Variants in MRTFB observed in about 807,000 individuals in gnomAD.
MRTFB encodes myocardin related transcription factor B.
Under a neutral mutation model 104.2 loss-of-function variants are expected in MRTFB, and 29 were observed. The observed-to-expected ratio is 0.28, with a 90% CI of 0.21 to 0.38. The LOEUF (loss-of-function observed/expected upper bound fraction) is 0.38. MRTFB is among the 10% of genes least tolerant of loss of function. The pLI is 1.00. For missense variants in MRTFB, 1,270 were observed against 1,341.6 expected (o/e 0.95, Z 0.83); for synonymous variants, 535 against 519.5 (o/e 1.03, Z -0.41).
the MRTFB span, among the ~76,000 whole-genome samples, chr16:14,021,881 G>A: frequency 6.6e-6 from 1 of 151,832 alleles, no homozygotes; most frequent in African/African-American, 2.4e-5. Flanking sequence ...CTATAGACAT[G>A]TGTGTGCAAG....
At chr16:14,246,330 A>C in intron 11 of MRTFB, 143 bp from the exon 12 acceptor site, 1 of 753,786 alleles carries the variant, frequency 1.3e-6, no homozygotes, top group Non-Finnish European at 2.1e-6. Context: ...CTGTGTGCTT[A>C]AATATAAAAC....
Position 14,245,317 on chromosome 16 carries a change from C to T in MRTFB, c.1080-211C>T, listed in dbSNP as rs148955396. Among the ~76,000 whole-genome samples the T allele has an allele frequency of 4.4e-3, 673 of 152,212 alleles. 4 individuals are homozygous for T. The highest frequency in any genetic ancestry group is 0.012 in the African/African-American group (501 of 41,502). On this transcript the variant is annotated intron_variant, in intron 10 of 16. Transcript: ENST00000571589. The stretch of plus-strand genomic sequence containing the variant: ...TGCATTTCCATATAAAGCTTAGAAT[C>T]GCCTTCTAAATTTCCGTCACGCTAG...
chr16:14,041,163 A>C, the MRTFB span, among the ~76,000 whole-genome samples: 6 of 145,112 alleles, frequency 4.1e-5, no homozygotes, highest in African/African-American at 1.5e-4. Context: ...GGGCGGGGAG[A>C]GGAGGGGAGG....
chr16:14,024,797 A>G, the MRTFB span, among the ~76,000 whole-genome samples: 3 of 152,142 alleles, frequency 2.0e-5, no homozygotes, highest in East Asian at 5.8e-4. Context: ...GGAATAGCAA[A>G]CTTCCTATGA....
chr16:14,013,487 T>A, the MRTFB span: 1 of 152,144 alleles, frequency 6.6e-6, no homozygotes, highest in Non-Finnish European at 1.5e-5. Flanking sequence ...GGGAAAACAT[T>A]GTAAATACTG....
chr16:14,115,423 G>A lies in MRTFB; in HGVS notation c.-63-25121G>A, dbSNP rs147755260. On this transcript the variant is annotated intron_variant, in intron 2 of 16. Coordinates refer to ENST00000571589, the MANE Select transcript of MRTFB (RefSeq NM_001308142.2). Reference sequence around the variant, plus strand: ...TCTGGATGTTTCATACTGTAAGTAAGCATAGTGACAGATAAATATTTTGAA... The same window carrying A: ...TCTGGATGTTTCATACTGTAAGTAAACATAGTGACAGATAAATATTTTGAA... Among the ~76,000 whole-genome samples, 505 of 152,268 alleles carry A rather than the reference G, an allele frequency of 3.3e-3. 2 individuals are homozygous for A. The highest frequency in any genetic ancestry group is 0.013 in the South Asian group (63 of 4,826).
intron 8 of MRTFB, among the ~76,000 whole-genome samples, chr16:14,224,187 G>A (rs2041888755): frequency 6.6e-6 from 1 of 152,146 alleles, no homozygotes; most frequent in African/African-American, 2.4e-5. Context: ...GGGGAAGTCT[G>A]CCCCCATGAT....
chr16:14,026,473 C>T, the MRTFB span, among the ~76,000 whole-genome samples: 1 of 152,176 alleles, frequency 6.6e-6, no homozygotes, highest in African/African-American at 2.4e-5. Context: ...GGGAAATCTT[C>T]ATCACATAGG....
chr16:14,040,013 G>T, the MRTFB span, among the ~76,000 whole-genome samples: 1 of 152,150 alleles, frequency 6.6e-6, no homozygotes, highest in Non-Finnish European at 1.5e-5. Flanking sequence ...CTCCCAAAGT[G>T]CTGGGATTAT....
At chr16:14,048,526 G>A in the MRTFB span, among the ~76,000 whole-genome samples, 1 of 152,116 alleles carries the variant, frequency 6.6e-6, no homozygotes, top group Non-Finnish European at 1.5e-5. Flanking sequence ...GGAATAATGG[G>A]CAGTGAGGCA....
the MRTFB span, among the ~76,000 whole-genome samples, chr16:14,029,951 C>T: frequency 6.6e-6 from 1 of 151,806 alleles, no homozygotes; most frequent in African/African-American, 2.4e-5. Flanking sequence ...GAGATAACAT[C>T]CTCTGCGTCC....
the MRTFB span, among the ~76,000 whole-genome samples, chr16:14,058,651 TACTGGA>T: frequency 6.6e-6 from 1 of 151,998 alleles, no homozygotes; most frequent in Non-Finnish European, 1.5e-5. Context: ...TGTGTGGTCT[TACTGGA>T]AGGGCTTTTC....
chr16:14,022,542 G>A, the MRTFB span, among the ~76,000 whole-genome samples: 5 of 152,016 alleles, frequency 3.3e-5, no homozygotes, highest in South Asian at 6.2e-4. Flanking sequence ...GACTACAGGC[G>A]TATGCCACCA....
In MRTFB at chr16:14,261,115, C is replaced by T; in HGVS notation, c.2971C>T (p.Pro991Ser). ...AGAAGCTTTCTTGGATGGAACTTTACCCTCAGCCAATGAAATTCCTCCACT... is the reference window on the plus strand; with the variant it reads ...AGAAGCTTTCTTGGATGGAACTTTATCCTCAGCCAATGAAATTCCTCCACT... Reference protein sequence around the residue: ...QLEAFLDGTLPSANEIPPLQS... With the variant: ...QLEAFLDGTLSSANEIPPLQS... The change falls in exon 17 of 17, where the codon CCC becomes TCC. Residue 991 changes from proline (P) to serine (S), a missense_variant. This residue lies in a region of MRTFB where 1,144 missense variants were observed against 1,131.5 expected (regional missense o/e 1.01). Transcript: ENST00000571589. 6.2e-7 allele frequency: 1 copy of T among 1,614,192 alleles called. No individual in the cohort carries two copies. The highest frequency in any genetic ancestry group is 8.5e-7 in the Non-Finnish European group (1 of 1,180,024).
At chr16:14,249,445 G>A (rs2151421304) in intron 13 of MRTFB, among the ~76,000 whole-genome samples, 1 of 152,288 alleles carries the variant, frequency 6.6e-6, no homozygotes, top group Admixed American at 6.5e-5. Flanking sequence ...CCTTGGAAAA[G>A]GTATTTGAAG....
chr16:14,178,893 G>T (rs1250832683), intron 3 of MRTFB, among the ~76,000 whole-genome samples: 1 of 152,068 alleles, frequency 6.6e-6, no homozygotes, highest in Non-Finnish European at 1.5e-5. Flanking sequence ...GGGACCAGAG[G>T]TGCACGCCAC....
intron 3 of MRTFB, chr16:14,187,069 A>G (rs980045510): frequency 1.9e-6 from 3 of 1,560,230 alleles, no homozygotes; most frequent in Admixed American, 3.6e-5. Context: ...CAAAACTGCC[A>G]AATTCATATT....
At chr16:14,095,165 T>C (rs2867049) in intron 2 of MRTFB, among the ~76,000 whole-genome samples, 35,913 of 152,150 alleles carry the variant, frequency 0.24, 7,913 homozygotes, top group African/African-American at 0.57. Flanking sequence ...CCTGCCACAG[T>C]GTTGTTTCTC....
chr16:14,071,450 G>A (rs1488094929), intron 1 of MRTFB, 85 bp downstream of exon 1: 3 of 152,916 alleles, frequency 2.0e-5, no homozygotes, highest in East Asian at 3.9e-4. Context: ...GAGCGGGCCT[G>A]GTGAACATCC....
Sources: gnomAD v4.1 joint callset for allele counts (sites outside exome capture counted in the v4.1 genomes callset) on GRCh38, gnomAD v4.1.1 for gene constraint, gnomAD v4.1.1 regional missense constraint, MANE v1.5 for transcripts, NCBI Gene and HGNC (gene_info 2026-07-23, HGNC 2026-07-21) for gene names.